MEGF9: variants seen among roughly 807,000 people sequenced by gnomAD.
The protein encoded by MEGF9 is multiple epidermal growth factor-like domains protein 9.
Under a neutral mutation model 46.8 loss-of-function variants are expected in MEGF9, and 6 were observed. The observed-to-expected ratio is 0.13, with a 90% CI of 0.07 to 0.25. The LOEUF is 0.25. MEGF9 is among the 10% of genes least tolerant of loss of function. The pLI is 1.00. For synonymous variants in MEGF9, 302 were observed against 330.7 expected, an observed-to-expected ratio of 0.91 and a Z score of 0.94; for missense variants, 683 against 792.4, an observed-to-expected ratio of 0.86 and a Z score of 1.66.
intron 2 of MEGF9, among the ~76,000 whole-genome samples, chr9:120,637,318 CAG>C (rs1296909037): frequency 6.6e-6 from 1 of 152,076 alleles, no homozygotes; most frequent in Non-Finnish European, 1.5e-5. Flanking sequence ...CTAGGAAAAC[CAG>C]AGACCTTTGT....
intron 2 of MEGF9, among the ~76,000 whole-genome samples, chr9:120,638,869 TAC>T (rs1471196608): frequency 2.6e-5 from 4 of 152,234 alleles, no homozygotes. Flanking sequence ...CAAGCTGGAA[TAC>T]AGTGGCACAA....
chr9:120,627,620 G>A (rs1411606362), intron 2 of MEGF9, among the ~76,000 whole-genome samples: 1 of 152,036 alleles, frequency 6.6e-6, no homozygotes, highest in Non-Finnish European at 1.5e-5. Flanking sequence ...GCACTATCAC[G>A]CCCGGCTAAT....
At chr9:120,706,751 T>C (rs1356268896) in intron 1 of MEGF9, among the ~76,000 whole-genome samples, 1 of 152,100 alleles carries the variant, frequency 6.6e-6, no homozygotes, top group Admixed American at 6.5e-5. Flanking sequence ...GAGAGAATCA[T>C]TTGAGCCCAG....
chr9:120,696,600 T>A (rs954664742), intron 1 of MEGF9, among the ~76,000 whole-genome samples: 1 of 152,194 alleles, frequency 6.6e-6, no homozygotes, highest in African/African-American at 2.4e-5. Flanking sequence ...AAAATAAGCA[T>A]AGTATTTGAA....
At chr9:120,649,695 C>CT (rs1484771456) in intron 2 of MEGF9, among the ~76,000 whole-genome samples, 6 of 151,916 alleles carry the variant, frequency 3.9e-5, no homozygotes, top group South Asian at 2.1e-4. Flanking sequence ...TGTTTTTGGT[C>CT]TTTTTTTGAT....
At chr9:120,614,444 T>C (rs1247648145) in intron 3 of MEGF9, among the ~76,000 whole-genome samples, 1 of 152,132 alleles carries the variant, frequency 6.6e-6, no homozygotes, top group African/African-American at 2.4e-5. Flanking sequence ...AAAGGCCTGA[T>C]AGTGTTAATG....
chr9:120,702,756 G>C (rs1456939521), intron 1 of MEGF9, among the ~76,000 whole-genome samples: 1 of 152,178 alleles, frequency 6.6e-6, no homozygotes, highest in African/African-American at 2.4e-5. Context: ...AGAGGTGAGA[G>C]TTGGGTGTGA....
chr9:120,631,866 T>C (rs1006480427), intron 2 of MEGF9, among the ~76,000 whole-genome samples: 1 of 152,190 alleles, frequency 6.6e-6, no homozygotes, highest in African/African-American at 2.4e-5. Context: ...TTTGGTAGTA[T>C]GGTTATTTTC....
intron 1 of MEGF9, among the ~76,000 whole-genome samples, chr9:120,669,639 A>T (rs1171371461): frequency 1.3e-5 from 2 of 152,156 alleles, no homozygotes; most frequent in African/African-American, 4.8e-5. Flanking sequence ...TGTACAATTC[A>T]TTAAAAATAT....
At chr9:120,679,602 AC>A (rs2043789431) in intron 1 of MEGF9, among the ~76,000 whole-genome samples, 1 of 152,020 alleles carries the variant, frequency 6.6e-6, no homozygotes, top group Non-Finnish European at 1.5e-5. Flanking sequence ...GTGCACATGT[AC>A]CCTAGAACTT....
At chr9:120,672,465 TAAATAAAA>T (rs1394829857) in intron 1 of MEGF9, among the ~76,000 whole-genome samples, 5 of 99,190 alleles carry the variant, frequency 5.0e-5, no homozygotes, top group African/African-American at 1.5e-4. Context: ...AATAAATAAA[TAAATAAAA>T]AGCCAGGAAT....
chr9:120,669,596 G>A (rs1255619660), intron 1 of MEGF9, among the ~76,000 whole-genome samples: 3 of 149,346 alleles, frequency 2.0e-5, no homozygotes, highest in Non-Finnish European at 3.0e-5. Flanking sequence ...AGCAATATAA[G>A]CAGATAAGAG....
rs61674473 is a variant in MEGF9 at position 120,710,424 on chromosome 9, TA to T, written c.601+3333del. On this transcript the variant is annotated intron_variant, in intron 1 of 5. Transcript: ENST00000373930. ...GGGCAACAAGAGCGAAACTCCGTCTTAAAAAAAAAAAAAAAAAAAAAAGTCC... is the reference window on the plus strand; with the variant it reads ...GGGCAACAAGAGCGAAACTCCGTCTTAAAAAAAAAAAAAAAAAAAAAGTCC... Among the ~76,000 whole-genome samples the T allele has an allele frequency of 1.3e-3, 132 of 99,980 alleles. 1 individual carries two copies. The highest frequency in any genetic ancestry group is 5.4e-3 in the Middle Eastern group (1 of 186). 65.6% of individuals were successfully genotyped at this position (99,980 alleles called of 152,430 possible).
intron 2 of MEGF9, among the ~76,000 whole-genome samples, chr9:120,650,192 C>T (rs775327417): frequency 1.6e-4 from 24 of 152,218 alleles, no homozygotes; most frequent in East Asian, 7.7e-4. Context: ...TGCTTGAACA[C>T]GGGAGGCGGA....
intron 1 of MEGF9, among the ~76,000 whole-genome samples, chr9:120,667,481 T>G (rs938496766): frequency 3.3e-5 from 5 of 152,182 alleles, no homozygotes; most frequent in African/African-American, 1.2e-4. Flanking sequence ...ATTGTTTGTT[T>G]CTTTTTCAGA....
At chr9:120,611,700 A>G (rs1277277856) in intron 4 of MEGF9, among the ~76,000 whole-genome samples, 1 of 152,076 alleles carries the variant, frequency 6.6e-6, no homozygotes, top group Non-Finnish European at 1.5e-5. Flanking sequence ...AAACTTTGAG[A>G]CTATGTACTA....
At chr9:120,712,630 A>T (rs1481242626) in intron 1 of MEGF9, among the ~76,000 whole-genome samples, 1 of 152,204 alleles carries the variant, frequency 6.6e-6, no homozygotes, top group East Asian at 1.9e-4. Flanking sequence ...CCAAGGATCA[A>T]GACTGTATTA....
intron 4 of MEGF9, among the ~76,000 whole-genome samples, chr9:120,610,833 A>T (rs1170008261): frequency 1.3e-5 from 2 of 152,206 alleles, no homozygotes. Flanking sequence ...ATTAAACCAC[A>T]AAATAGAAAA....
At chr9:120,617,581 AT>A (rs1463426319) in intron 3 of MEGF9, among the ~76,000 whole-genome samples, 1 of 152,248 alleles carries the variant, frequency 6.6e-6, no homozygotes, top group Non-Finnish European at 1.5e-5. Flanking sequence ...AATTTTATTT[AT>A]TCCAAAAGGG....
Sources: gnomAD v4.1 joint callset for allele counts (sites outside exome capture counted in the v4.1 genomes callset) on GRCh38, gnomAD v4.1.1 for gene constraint, MANE v1.5 for transcripts, NCBI Gene and HGNC (gene_info 2026-07-23, HGNC 2026-07-21) for gene names.